PABPC4L: variants seen among roughly 807,000 people sequenced by gnomAD.
PABPC4L encodes the protein poly(A) binding protein cytoplasmic 4 like.
For synonymous variants in PABPC4L, 169 were observed against 164.1 expected (o/e 1.03, Z -0.23); for missense variants, 452 against 451.4 (o/e 1.00, Z -0.01).
chr4:134,031,683 T>C, the PABPC4L span, among the ~76,000 whole-genome samples: 8 of 151,906 alleles, frequency 5.3e-5, no homozygotes, highest in Admixed American at 1.3e-4. Flanking sequence ...CATAGCTCCA[T>C]TGGAGGCTGG....
chr4:134,091,792 C>T, the PABPC4L span, among the ~76,000 whole-genome samples: 1 of 151,626 alleles, frequency 6.6e-6, no homozygotes. Flanking sequence ...ATCTAATAAT[C>T]TAGTGAATTA....
the PABPC4L span, among the ~76,000 whole-genome samples, chr4:134,043,718 T>G: frequency 1.3e-5 from 2 of 151,990 alleles, no homozygotes; most frequent in African/African-American, 2.4e-5. Context: ...AATGACACAA[T>G]ATTAATAACC....
chr4:134,194,764 G>C (rs1345108695), downstream of PABPC4L, among the ~76,000 whole-genome samples: 2 of 151,672 alleles, frequency 1.3e-5, no homozygotes, highest in Non-Finnish European at 3.0e-5. Context: ...AGTTTTAAAA[G>C]AGTTGAAACA....
At chr4:134,080,973 A>C in the PABPC4L span, among the ~76,000 whole-genome samples, 41 of 152,264 alleles carry the variant, frequency 2.7e-4, no homozygotes, top group South Asian at 8.5e-3. Flanking sequence ...TCAAGGGATC[A>C]CTTATTTTAT....
chr4:134,112,173 A>G, the PABPC4L span, among the ~76,000 whole-genome samples: 1 of 151,970 alleles, frequency 6.6e-6, no homozygotes, highest in Non-Finnish European at 1.5e-5. Context: ...AGAAAACTAC[A>G]AAGTAACCAA....
At chr4:134,087,610 C>A in the PABPC4L span, among the ~76,000 whole-genome samples, 1 of 152,146 alleles carries the variant, frequency 6.6e-6, no homozygotes, top group South Asian at 2.1e-4. Context: ...AGCCCACCTG[C>A]ACTGGCAATG....
At chr4:134,029,487 C>G in the PABPC4L span, among the ~76,000 whole-genome samples, 2 of 151,896 alleles carry the variant, frequency 1.3e-5, no homozygotes, top group Non-Finnish European at 1.5e-5. Flanking sequence ...GAAAATTATA[C>G]AAACAGAAAA....
chr4:133,950,301 G>A, the PABPC4L span, among the ~76,000 whole-genome samples: 1 of 152,090 alleles, frequency 6.6e-6, no homozygotes, highest in South Asian at 2.1e-4. Context: ...ATTACTAGTG[G>A]ATACTTTAGT....
At chr4:133,974,003 T>G in the PABPC4L span, among the ~76,000 whole-genome samples, 1 of 152,026 alleles carries the variant, frequency 6.6e-6, no homozygotes, top group African/African-American at 2.4e-5. Flanking sequence ...CTTGAGATAA[T>G]CTAAATCTAA....
the PABPC4L span, among the ~76,000 whole-genome samples, chr4:134,141,207 A>G: frequency 6.6e-6 from 1 of 151,698 alleles, no homozygotes; most frequent in Non-Finnish European, 1.5e-5. Flanking sequence ...AGTCCAAGTC[A>G]TGCAGTTCCA....
the PABPC4L span, among the ~76,000 whole-genome samples, chr4:133,997,154 A>G: frequency 6.6e-6 from 1 of 152,166 alleles, no homozygotes; most frequent in Non-Finnish European, 1.5e-5. Context: ...AAATTAGGTT[A>G]ATTAATAATC....
chr4:134,180,613 A>G, the PABPC4L span, among the ~76,000 whole-genome samples: 1 of 151,694 alleles, frequency 6.6e-6, no homozygotes. Flanking sequence ...CAAAATATTA[A>G]TGATAGATAG....
chr4:134,157,045 T>G, the PABPC4L span, among the ~76,000 whole-genome samples: 1 of 151,858 alleles, frequency 6.6e-6, no homozygotes, highest in African/African-American at 2.4e-5. Flanking sequence ...TTGGTGCATA[T>G]ATTTAATGCT....
the PABPC4L span, among the ~76,000 whole-genome samples, chr4:134,168,919 A>T: frequency 6.6e-5 from 10 of 152,058 alleles, no homozygotes; most frequent in Non-Finnish European, 1.5e-5. Flanking sequence ...CTCATTTCAT[A>T]AACTCAAACT....
At chr4:134,165,899 GA>G in the PABPC4L span, among the ~76,000 whole-genome samples, 1 of 152,152 alleles carries the variant, frequency 6.6e-6, no homozygotes, top group East Asian at 1.9e-4. Flanking sequence ...ATCAACTGAT[GA>G]GTGGATTAAA....
downstream of PABPC4L, among the ~76,000 whole-genome samples, chr4:134,191,490 G>A (rs1729511083): frequency 6.6e-6 from 1 of 151,930 alleles, no homozygotes; most frequent in African/African-American, 2.4e-5. Context: ...ATAATACAAA[G>A]TATGCTCACC....
At chr4:134,026,988 G>T in the PABPC4L span, among the ~76,000 whole-genome samples, 4 of 152,060 alleles carry the variant, frequency 2.6e-5, no homozygotes, top group East Asian at 7.7e-4. Context: ...AAAAATTTAC[G>T]TTTTCTAAGC....
chr4:133,987,022 C>G, the PABPC4L span, among the ~76,000 whole-genome samples: 1 of 152,166 alleles, frequency 6.6e-6, no homozygotes, highest in South Asian at 2.1e-4. Context: ...AGCCGTGAAC[C>G]ACCGCACCTG....
chr4:134,049,625 T>A, the PABPC4L span, among the ~76,000 whole-genome samples: 5 of 152,184 alleles, frequency 3.3e-5, no homozygotes, highest in South Asian at 2.1e-4. Context: ...AAAATAGCTA[T>A]AATGTAGCTG....
Sources: allele counts gnomAD v4.1 joint callset (sites outside exome capture counted in the v4.1 genomes callset), GRCh38; gene constraint gnomAD v4.1.1; transcripts MANE v1.5; gene names NCBI Gene and HGNC (gene_info 2026-07-23, HGNC 2026-07-21).